SHROOM3: variants seen among roughly 807,000 people sequenced by gnomAD.
SHROOM3 encodes protein Shroom3.
A neutral mutation model predicts 138.6 loss-of-function variants in SHROOM3; 47 were observed. That is an observed-to-expected ratio of 0.34 (90% confidence interval 0.27 to 0.43). The LOEUF is 0.43. SHROOM3 is among the 20% of genes least tolerant of loss of function. The probability of loss-of-function intolerance (pLI) is 1.00; values close to 1 mark genes in which losing one functional copy is unlikely to be tolerated. For synonymous variants in SHROOM3, 1,062 were observed against 1,063.3 expected (o/e 1.00, Z 0.02); for missense variants, 2,491 against 2,596.5 (o/e 0.96, Z 0.88).
chr4:76,665,927 G>C (rs76570844), intron 2 of SHROOM3, among the ~76,000 whole-genome samples: 2,927 of 152,206 alleles, frequency 0.019, 94 homozygotes, highest in African/African-American at 0.064. Flanking sequence ...CGCTGCCCTG[G>C]TAAGTTCCAC....
intron 2 of SHROOM3, among the ~76,000 whole-genome samples, chr4:76,709,153 T>C (rs1476357157): frequency 6.6e-6 from 1 of 152,244 alleles, no homozygotes; most frequent in Non-Finnish European, 1.5e-5. Context: ...GAAGGCCAGA[T>C]GGACGGGGCT....
At chr4:76,742,036 C>T (rs1230630786) in intron 5 of SHROOM3, 110 bp downstream of exon 5, 4 of 1,382,862 alleles carry the variant, frequency 2.9e-6, no homozygotes, top group Admixed American at 3.9e-5. Context: ...TTCAGTTTTC[C>T]TTGTGATTAC....
intron 2 of SHROOM3, among the ~76,000 whole-genome samples, chr4:76,640,843 G>T (rs1003072165): frequency 6.6e-6 from 1 of 152,186 alleles, no homozygotes; most frequent in African/African-American, 2.4e-5. Context: ...GAGAGCTGCA[G>T]GCTAAGTTGG....
chr4:76,701,410 G>A (rs4859708), intron 2 of SHROOM3, among the ~76,000 whole-genome samples: 5,722 of 152,268 alleles, frequency 0.038, 197 homozygotes, highest in Admixed American at 0.12. Flanking sequence ...TGTGCCAGTC[G>A]TGTGGCTTAG....
At chr4:76,485,702 C>T in intron 1 of SHROOM3, among the ~76,000 whole-genome samples, 1 of 152,084 alleles carries the variant, frequency 6.6e-6, no homozygotes, top group Non-Finnish European at 1.5e-5. Flanking sequence ...GCCTCTTTGT[C>T]CTTTCCCAAG....
intron 1 of SHROOM3, among the ~76,000 whole-genome samples, chr4:76,477,075 C>T (rs957803855): frequency 2.6e-5 from 4 of 152,216 alleles, no homozygotes; most frequent in African/African-American, 9.7e-5. Flanking sequence ...TCACGCCATT[C>T]TCCTGCCTCA....
At chr4:76,713,121 C>T (rs916234178) in intron 3 of SHROOM3, among the ~76,000 whole-genome samples, 1 of 152,212 alleles carries the variant, frequency 6.6e-6, no homozygotes, top group African/African-American at 2.4e-5. Flanking sequence ...CGGTACTGTG[C>T]ACTGCTTTAC....
intron 1 of SHROOM3, among the ~76,000 whole-genome samples, chr4:76,532,792 A>G (rs1732860364): frequency 1.3e-5 from 2 of 152,070 alleles, no homozygotes; most frequent in Admixed American, 6.6e-5. Context: ...TTACTTCACC[A>G]TACTTTATGT....
chr4:76,536,670 T>A (rs1732960371), intron 1 of SHROOM3, among the ~76,000 whole-genome samples: 2 of 152,222 alleles, frequency 1.3e-5, no homozygotes, highest in African/African-American at 4.8e-5. Context: ...ATAAAGGAAG[T>A]AGCCCCTGGC....
chr4:76,592,798 A>G lies in SHROOM3; in HGVS notation c.323+37035A>G, dbSNP rs187473701. Among the ~76,000 whole-genome samples, 523 of 152,254 alleles carry G rather than the reference A, an allele frequency of 3.4e-3. 1 individual carries two copies. The highest frequency in any genetic ancestry group is 0.012 in the African/African-American group (500 of 41,550). ...ACAACGTACTCATGTTTGAGTTCTGATATCAATTCCCTTTTCTAGGCAGCA... is the reference window on the plus strand; with the variant it reads ...ACAACGTACTCATGTTTGAGTTCTGGTATCAATTCCCTTTTCTAGGCAGCA... On this transcript the variant is annotated intron_variant, in intron 2 of 10. Coordinates refer to ENST00000296043, the MANE Select transcript of SHROOM3 (RefSeq NM_020859.4).
intron 3 of SHROOM3, among the ~76,000 whole-genome samples, chr4:76,726,266 T>A (rs1327123011): frequency 2.6e-5 from 4 of 152,144 alleles, no homozygotes; most frequent in Admixed American, 6.6e-5. Flanking sequence ...TCTTGGGCTT[T>A]TTCCCAGGCT....
At chr4:76,590,727 T>C (rs1734255426) in intron 2 of SHROOM3, among the ~76,000 whole-genome samples, 1 of 152,094 alleles carries the variant, frequency 6.6e-6, no homozygotes. Context: ...GGTAGAAGTC[T>C]TTCTTTGGAA....
chr4:76,663,327 G>A (rs189117928), intron 2 of SHROOM3, among the ~76,000 whole-genome samples: 5 of 152,026 alleles, frequency 3.3e-5, no homozygotes, highest in East Asian at 3.9e-4. Context: ...CACTCAACCC[G>A]GGGACCCTGC....
At chr4:76,531,044 C>T (rs770956276) in intron 1 of SHROOM3, among the ~76,000 whole-genome samples, 1 of 152,178 alleles carries the variant, frequency 6.6e-6, no homozygotes, top group Non-Finnish European at 1.5e-5. Flanking sequence ...GTTTGCTTGG[C>T]TCTGTGATTT....
At chr4:76,684,229 A>G (rs942132306) in intron 2 of SHROOM3, among the ~76,000 whole-genome samples, 1 of 152,224 alleles carries the variant, frequency 6.6e-6, no homozygotes, top group African/African-American at 2.4e-5. Flanking sequence ...AATGCTGTCA[A>G]TTCTTGTCTC....
chr4:76,641,080 A>G (rs567431618), intron 2 of SHROOM3, among the ~76,000 whole-genome samples: 2 of 152,356 alleles, frequency 1.3e-5, no homozygotes, highest in African/African-American at 4.8e-5. Context: ...TATACTGGAT[A>G]GTATCTGTTG....
chr4:76,506,688 T>A (rs1214233138), intron 1 of SHROOM3, among the ~76,000 whole-genome samples: 1 of 152,158 alleles, frequency 6.6e-6, no homozygotes, highest in African/African-American at 2.4e-5. Flanking sequence ...TAACCTCTCC[T>A]CCCCAGTCCC....
At chr4:76,464,472 G>T (rs982522031) in intron 1 of SHROOM3, among the ~76,000 whole-genome samples, 4 of 152,064 alleles carry the variant, frequency 2.6e-5, no homozygotes, top group African/African-American at 9.7e-5. Flanking sequence ...TGAGACTTTG[G>T]ACTTGGACTT....
intron 2 of SHROOM3, among the ~76,000 whole-genome samples, chr4:76,667,467 C>T (rs895738709): frequency 1.3e-5 from 2 of 151,968 alleles, no homozygotes; most frequent in South Asian, 4.2e-4. Flanking sequence ...CAGGCATGTG[C>T]CATCATACCC....
Sources: gnomAD v4.1 joint callset for allele counts (sites outside exome capture counted in the v4.1 genomes callset) on GRCh38, gnomAD v4.1.1 for gene constraint, MANE v1.5 for transcripts, NCBI Gene and HGNC (gene_info 2026-07-23, HGNC 2026-07-21) for gene names.